Variants in FBXL14 observed in about 807,000 individuals in gnomAD.
FBXL14 encodes F-box/LRR-repeat protein 14.
In FBXL14, 11 loss-of-function variants were observed where a neutral mutation model predicts 24.5. The ratio of observed to expected loss-of-function variants is 0.45; its 90% confidence interval spans 0.28 to 0.74. The LOEUF (loss-of-function observed/expected upper bound fraction) is 0.74, where lower values mean the gene tolerates loss of function less well. Ranked by LOEUF, FBXL14 falls within the 30% of genes least tolerant of loss-of-function variation. FBXL14 has a pLI of 0.12. For missense variants in FBXL14, 384 were observed against 545.6 expected (o/e 0.70, Z 2.95); for synonymous variants, 294 against 240.4 (o/e 1.22, Z -2.06).
chr12:1,574,397 T>TAAGA (rs1565583089), intron 1 of FBXL14, among the ~76,000 whole-genome samples: 17 of 48,612 alleles, frequency 3.5e-4, no homozygotes, highest in Admixed American at 8.8e-4. Context: ...GAGGCTGGGG[T>TAAGA]GGGGGAGGCT....
At position 1,569,389 on chromosome 12, in the gene FBXL14, A is replaced by G. The variant is rs901676094; in HGVS notation, c.1195-2579T>C. On this transcript the variant is annotated intron_variant, in intron 1 of 1. Coordinates refer to ENST00000339235, the MANE Select transcript of FBXL14 (RefSeq NM_152441.3). The surrounding 1 kb of genome is among the most constrained non-coding windows in gnomAD (Gnocchi z 4.2). The stretch of plus-strand genomic sequence containing the variant: ...GCTCTCATATGCTAAATAAGAAACC[A>G]CTTCGTTCTTTTTTTTTTTTTTTTT... 7.1e-6 allele frequency among the ~76,000 whole-genome samples: 1 copy of G among 140,404 alleles called. No individual in the cohort carries two copies. Among genetic ancestry groups the G allele is most frequent in the African/African-American group, 2.6e-5 (1 of 37,948 alleles). 92.1% of individuals were successfully genotyped at this position (140,404 alleles called of 152,430 possible). A position where few individuals can be genotyped will look rare whatever the true frequency, so the allele number is the denominator to read the frequency against.
chr12:1,589,438 A>G (rs1317461783), intron 1 of FBXL14, among the ~76,000 whole-genome samples: 1 of 30,564 alleles, frequency 3.3e-5, no homozygotes, highest in Non-Finnish European at 1.6e-4. Flanking sequence ...CCTTGTCTCA[A>G]AAAAAAAAAA....
intron 1 of FBXL14, among the ~76,000 whole-genome samples, chr12:1,583,749 T>C (rs2094471388): frequency 6.6e-6 from 1 of 152,254 alleles, no homozygotes; most frequent in African/African-American, 2.4e-5. Flanking sequence ...CATTTAGTTT[T>C]GCATTAACCA....
chr12:1,586,186 T>G (rs957161041), intron 1 of FBXL14, among the ~76,000 whole-genome samples: 7 of 151,510 alleles, frequency 4.6e-5, no homozygotes, highest in Non-Finnish European at 8.8e-5. Flanking sequence ...TTTGGGGTTT[T>G]TTTTTTTTTT....
At chr12:1,575,933 G>A (rs2094455029) in intron 1 of FBXL14, among the ~76,000 whole-genome samples, 2 of 152,146 alleles carry the variant, frequency 1.3e-5, no homozygotes, top group Admixed American at 1.3e-4. Flanking sequence ...ATGCTCAGAG[G>A]CACTTCTCTT....
At chr12:1,580,749 A>G (rs902708700) in intron 1 of FBXL14, among the ~76,000 whole-genome samples, 2 of 152,080 alleles carry the variant, frequency 1.3e-5, no homozygotes, top group East Asian at 3.9e-4. Context: ...AACCATTATC[A>G]GGGGCTTAGA....
At chr12:1,583,755 A>G (rs756494585) in intron 1 of FBXL14, among the ~76,000 whole-genome samples, 4 of 152,220 alleles carry the variant, frequency 2.6e-5, no homozygotes, top group Non-Finnish European at 5.9e-5. Context: ...GTTTTGCATT[A>G]ACCATACTTT....
chr12:1,584,940 T>C (rs902491416), intron 1 of FBXL14, among the ~76,000 whole-genome samples: 2 of 152,204 alleles, frequency 1.3e-5, no homozygotes, highest in Non-Finnish European at 2.9e-5. Context: ...TTGAGGGGCG[T>C]TTGCGGGCTT....
chr12:1,578,406 C>T lies in FBXL14; in HGVS notation c.1195-11596G>A, dbSNP rs144515319. Among the ~76,000 whole-genome samples, 22 of 152,146 alleles carry T rather than the reference C, an allele frequency of 1.4e-4. No homozygotes were observed. In the East Asian group the frequency reaches 2.3e-3, roughly 16 times the overall value. On this transcript the variant is annotated intron_variant, in intron 1 of 1. Transcript: ENST00000339235. The stretch of plus-strand genomic sequence containing the variant: ...CTGTATTCCCAGCACTTTGGGAGGC[C>T]GAGGTGGGTGGATCACCTGAGATCA...
At position 1,579,606 on chromosome 12, in the gene FBXL14, C is replaced by T. The variant is rs1404981952; in HGVS notation, c.1195-12796G>A. Among the ~76,000 whole-genome samples, 1 of 144,904 alleles carries T rather than the reference C, an allele frequency of 6.9e-6. No individual in the cohort carries two copies. The highest frequency in any genetic ancestry group is 2.0e-4 in the East Asian group (1 of 5,114). On this transcript the variant is annotated intron_variant, in intron 1 of 1. Coordinates refer to ENST00000339235, the MANE Select transcript of FBXL14 (RefSeq NM_152441.3). This position sits in a 1 kb window ranked among gnomAD's most constrained non-coding sequence, Gnocchi z 4.3. The stretch of plus-strand genomic sequence containing the variant: ...CCAGTCTCGGTGATAGGGTGAGACT[C>T]CATTTAAAAAAAAAAAAAAATGTAG...
chr12:1,589,419 AG>A (rs748643334), intron 1 of FBXL14, among the ~76,000 whole-genome samples: 14 of 134,334 alleles, frequency 1.0e-4, no homozygotes, highest in African/African-American at 2.8e-4. Flanking sequence ...AAAAAAAAAA[AG>A]ATCAAGACCT....
chr12:1,571,572 A>G (rs893207846), intron 1 of FBXL14, among the ~76,000 whole-genome samples: 4 of 152,276 alleles, frequency 2.6e-5, no homozygotes, highest in Non-Finnish European at 5.9e-5. Flanking sequence ...TTTCATAAAC[A>G]GAGATAGTGC....
chr12:1,590,945 A>T (rs1186208144), intron 1 of FBXL14, among the ~76,000 whole-genome samples: 2 of 152,272 alleles, frequency 1.3e-5, no homozygotes, highest in Middle Eastern at 3.4e-3. Flanking sequence ...GGGTAAAAAA[A>T]ATCCATCTTT....
intron 1 of FBXL14, among the ~76,000 whole-genome samples, chr12:1,568,592 T>C (rs1429307532): frequency 1.3e-5 from 2 of 152,156 alleles, no homozygotes; most frequent in South Asian, 2.1e-4. Context: ...TATATACTTA[T>C]GTGTAAGGGA....
At chr12:1,581,473 A>C (rs575073743) in intron 1 of FBXL14, among the ~76,000 whole-genome samples, 1 of 152,294 alleles carries the variant, frequency 6.6e-6, no homozygotes, top group Admixed American at 6.5e-5. Context: ...TGGATGGAGA[A>C]TGTTGAAGCC....
Position 1,570,091 on chromosome 12 carries a change from C to T in FBXL14, c.1195-3281G>A, listed in dbSNP as rs2094442870. ...TGGTCGAAACTCCGCCCAGCTTTGTCTAGTGCGGTGTCCTGTCCACACTAG... is the reference window on the plus strand; with the variant it reads ...TGGTCGAAACTCCGCCCAGCTTTGTTTAGTGCGGTGTCCTGTCCACACTAG... On this transcript the variant is annotated intron_variant, in intron 1 of 1. Coordinates refer to ENST00000339235, the MANE Select transcript of FBXL14 (RefSeq NM_152441.3). 2.0e-5 allele frequency among the ~76,000 whole-genome samples: 3 copies of T among 152,324 alleles called. No individual in the cohort carries two copies. The South Asian group carries it at 6.2e-4, about 32-fold the overall frequency.
Position 1,566,888 on chromosome 12 carries a change from T to C in FBXL14, c.1195-78A>G, listed in dbSNP as rs571575751. 8.8e-4 allele frequency: 657 copies of C among 747,986 alleles called. 2 individuals are homozygous for C. The highest frequency in any genetic ancestry group is 1.2e-3 in the Non-Finnish European group (465 of 401,844). The allele number at this position is 747,986 out of a possible 1,614,324, so 46.3% of individuals were successfully genotyped here. Reference sequence around the variant, plus strand: ...CTCTTCCTAACGAGGTCGCCTCCCCTAACCCCACCGCGGCTTTATCAGCGC... The same window carrying C: ...CTCTTCCTAACGAGGTCGCCTCCCCCAACCCCACCGCGGCTTTATCAGCGC... On this transcript the variant is annotated intron_variant, in intron 1 of 1. Transcript: ENST00000339235.
chr12:1,573,355 T>C (rs2094448740), intron 1 of FBXL14, among the ~76,000 whole-genome samples: 1 of 152,198 alleles, frequency 6.6e-6, no homozygotes, highest in Non-Finnish European at 1.5e-5. Context: ...TACTGTAAGC[T>C]TTGTTAGGCT....
chr12:1,588,405 G>T (rs946126151), intron 1 of FBXL14, among the ~76,000 whole-genome samples: 1 of 152,100 alleles, frequency 6.6e-6, no homozygotes, highest in African/African-American at 2.4e-5. Flanking sequence ...AAAAGAAAAA[G>T]GAACGTTTGC....
Sources: allele counts gnomAD v4.1 joint callset (sites outside exome capture counted in the v4.1 genomes callset), GRCh38; gene constraint gnomAD v4.1.1; non-coding constraint Gnocchi (gnomAD v3.1); transcripts MANE v1.5; gene names NCBI Gene and HGNC (gene_info 2026-07-23, HGNC 2026-07-21).